The following CARS2 variants were observed in gnomAD, a reference collection of about 807,000 sequenced individuals.
The protein encoded by CARS2 is cysteinyl-tRNA synthetase 2, mitochondrial, also known as probable cysteine--tRNA ligase, mitochondrial.
CARS2 carries 52 observed loss-of-function variants against 68.8 expected under a neutral mutation model. The ratio of observed to expected loss-of-function variants is 0.76; its 90% CI spans 0.61 to 0.95. The LOEUF (loss-of-function observed/expected upper bound fraction) is 0.95, where lower values mean the gene tolerates loss of function less well. Ranked by LOEUF, CARS2 falls within the 40% of genes least tolerant of loss-of-function variation. The pLI is 0.00. For synonymous variants in CARS2, 314 were observed against 303.6 expected (o/e 1.03, Z -0.36); for missense variants, 780 against 754.2 (o/e 1.03, Z -0.40).
rs371196794 is a variant in CARS2 at position 110,676,959 on chromosome 13, C to T, written c.785+15G>A. The T allele has an allele frequency of 1.3e-5, 20 of 1,522,656 alleles. No homozygotes were observed. The highest frequency in any genetic ancestry group is 5.5e-5 in the African/African-American group (4 of 72,082). 94.3% of individuals were successfully genotyped at this position (1,522,656 alleles called of 1,614,324 possible). A position where few individuals can be genotyped will look rare whatever the true frequency, so the allele number is the denominator to read the frequency against. Reference sequence around the variant, plus strand: ...AACTTGAGCCCCAACCCCCAGGAAGCGGCAGGCACCTTACCTAGCGATGGC... The same window carrying T: ...AACTTGAGCCCCAACCCCCAGGAAGTGGCAGGCACCTTACCTAGCGATGGC... On this transcript the variant is annotated intron_variant, in intron 7 of 14. Coordinates refer to ENST00000257347, the MANE Select transcript of CARS2 (RefSeq NM_024537.4). This position sits in a 1 kb window ranked among gnomAD's most constrained non-coding sequence, Gnocchi z 4.0.
At chr13:110,712,978 G>A (rs766505617) in intron 1 of CARS2, 2 of 1,557,402 alleles carry the variant, frequency 1.3e-6, no homozygotes, top group South Asian at 1.2e-5. Flanking sequence ...CGCGGAATGG[G>A]TAGGTCTCCC....
At chr13:110,675,665 C>T (rs2062926560) in intron 7 of CARS2, among the ~76,000 whole-genome samples, 2 of 152,038 alleles carry the variant, frequency 1.3e-5, no homozygotes, top group African/African-American at 2.4e-5. Flanking sequence ...ATGTAACAAA[C>T]CTGCACATTG....
intron 9 of CARS2, among the ~76,000 whole-genome samples, chr13:110,657,324 A>G (rs76640886): frequency 3.9e-4 from 59 of 152,348 alleles, no homozygotes; most frequent in African/African-American, 1.3e-3. Flanking sequence ...TCTGGTAGCA[A>G]TCAACATCGC....
At position 110,657,303 on chromosome 13, in the gene CARS2, C is replaced by T. The variant is rs539597468; in HGVS notation, c.987+6148G>A. Among the ~76,000 whole-genome samples, 6 of 152,336 alleles carry T rather than the reference C, an allele frequency of 3.9e-5. No homozygotes were observed. The South Asian group carries it at 1.2e-3, about 32-fold the overall frequency. ...GCTCTGACCCCTGAAAAAGCGTAGACGCAGTGTCACTCTGGTAGCAATCAA... is the reference window on the plus strand; with the variant it reads ...GCTCTGACCCCTGAAAAAGCGTAGATGCAGTGTCACTCTGGTAGCAATCAA... On this transcript the variant is annotated intron_variant, in intron 9 of 14. Coordinates refer to ENST00000257347, the MANE Select transcript of CARS2 (RefSeq NM_024537.4).
chr13:110,689,786 G>A (rs1056439098), intron 3 of CARS2, among the ~76,000 whole-genome samples: 1 of 152,146 alleles, frequency 6.6e-6, no homozygotes, highest in Non-Finnish European at 1.5e-5. Flanking sequence ...ACAGTTTTGT[G>A]GCAAAGCAGA....
At chr13:110,687,692 GA>G (rs552751411) in intron 5 of CARS2, 28 bp downstream of exon 5, 38,568 of 870,598 alleles carry the variant, frequency 0.044, 16 homozygotes, top group Non-Finnish European at 0.049. Flanking sequence ...AAAAAAAAAA[GA>G]AAAAAAAAAA....
At chr13:110,690,614 T>C (rs1439010165) in intron 3 of CARS2, among the ~76,000 whole-genome samples, 1 of 152,180 alleles carries the variant, frequency 6.6e-6, no homozygotes, top group Non-Finnish European at 1.5e-5. Context: ...CCGATGCACA[T>C]CCCATCCTCA....
At chr13:110,663,734 C>A in intron 8 of CARS2, 1 of 1,302,670 alleles carries the variant, frequency 7.7e-7, no homozygotes. Flanking sequence ...ACACCCAGCC[C>A]CACACTGAGA....
Position 110,687,711 on chromosome 13 carries a change from TA to T in CARS2, c.571+9del. On this transcript the variant is annotated intron_variant, in intron 5 of 14. Coordinates refer to ENST00000257347, the MANE Select transcript of CARS2 (RefSeq NM_024537.4). Reference sequence around the variant, plus strand: ...AAAAAAGAAAAAAAAAAAAAGAACATAAACCCTACCTTTTGCCGTTGAATAA... The same window carrying T: ...AAAAAAGAAAAAAAAAAAAAGAACATAACCCTACCTTTTGCCGTTGAATAA... 8.1e-7 allele frequency: 1 copy of T among 1,236,392 alleles called. No individual in the cohort carries two copies. The highest frequency in any genetic ancestry group is 1.1e-6 in the Non-Finnish European group (1 of 877,652). The allele number at this position is 1,236,392 out of a possible 1,614,324, so 76.6% of individuals were successfully genotyped here.
chr13:110,672,470 G>C (rs573310573), intron 7 of CARS2, among the ~76,000 whole-genome samples: 1 of 152,168 alleles, frequency 6.6e-6, no homozygotes, highest in Non-Finnish European at 1.5e-5. Flanking sequence ...TGACTACTGG[G>C]TACATAATGA....
At chr13:110,709,736 T>TTATA (rs1430101431), upstream of CARS2, among the ~76,000 whole-genome samples, 3 of 151,882 alleles carry the variant, frequency 2.0e-5, no homozygotes, top group Non-Finnish European at 4.4e-5. Context: ...TGTATATACA[T>TTATA]TATATATATC....
intron 6 of CARS2, among the ~76,000 whole-genome samples, chr13:110,679,947 A>G (rs77264116): frequency 0.049 from 7,404 of 152,308 alleles, 374 homozygotes; most frequent in African/African-American, 0.11. Context: ...ACGGAAGAAC[A>G]TGAACTGGTC....
At chr13:110,669,444 G>A (rs1161681692) in intron 7 of CARS2, among the ~76,000 whole-genome samples, 1 of 152,180 alleles carries the variant, frequency 6.6e-6, no homozygotes, top group Admixed American at 6.5e-5. Context: ...GAAAATCTCT[G>A]ATGTAGCTAC....
At chr13:110,701,155 C>G (rs532136709) in intron 3 of CARS2, among the ~76,000 whole-genome samples, 8 of 152,148 alleles carry the variant, frequency 5.3e-5, no homozygotes, top group South Asian at 2.1e-4. Context: ...CTTCGCCCCC[C>G]CAGGGTCAAG....
intron 5 of CARS2, among the ~76,000 whole-genome samples, chr13:110,685,532 G>A (rs112413455): frequency 7.2e-4 from 109 of 152,266 alleles, no homozygotes; most frequent in African/African-American, 2.1e-3. Context: ...ATCTTCAGCC[G>A]TCGGCTGGAT....
chr13:110,707,530 C>T (rs1205633720), upstream of CARS2: 1 of 152,038 alleles, frequency 6.6e-6, no homozygotes, highest in East Asian at 1.9e-4. Context: ...ATCTGTAGTC[C>T]CAGCTACTGG....
At chr13:110,710,557 C>T (rs1215095677), upstream of CARS2, among the ~76,000 whole-genome samples, 5 of 152,110 alleles carry the variant, frequency 3.3e-5, no homozygotes, top group Admixed American at 3.3e-4. Context: ...TTTTGCAACA[C>T]GCCACAGGAA....
rs1318155122 is a variant in CARS2, at chr13:110,668,699, C to T, written c.786-1226G>A. 2.6e-5 allele frequency among the ~76,000 whole-genome samples: 4 copies of T among 152,080 alleles called. No individual in the cohort carries two copies. The highest frequency in any genetic ancestry group is 2.1e-4 in the South Asian group (1 of 4,820). On this transcript the variant is annotated intron_variant, in intron 7 of 14. Coordinates refer to ENST00000257347, the MANE Select transcript of CARS2 (RefSeq NM_024537.4). This position sits in a 1 kb window ranked among gnomAD's most constrained non-coding sequence, Gnocchi z 4.1. ...TATTTGGATGGGCAATTCTCCCTTC[C>T]GAAGATCTGAAGCCAACACAACGAC...
At position 110,642,005 on chromosome 13, in the gene CARS2, C is replaced by A. The variant is rs567005689; in HGVS notation, c.1623+310G>T. Among the ~76,000 whole-genome samples the A allele has an allele frequency of 2.3e-3, 347 of 152,182 alleles. 3 individuals carry two copies. Among genetic ancestry groups the A allele is most frequent in the African/African-American group, 7.9e-3 (326 of 41,430 alleles). ...TCACCTGAGGTCGGGAGTTTGAGAC[C>A]AGCCTGACCCACGTGGAGAAAACCT... On this transcript the variant is annotated intron_variant, in intron 14 of 14. Coordinates refer to ENST00000257347, the MANE Select transcript of CARS2 (RefSeq NM_024537.4).
Sources: gnomAD v4.1 joint callset for allele counts (sites outside exome capture counted in the v4.1 genomes callset) on GRCh38, gnomAD v4.1.1 for gene constraint, Gnocchi (gnomAD v3.1) non-coding constraint, MANE v1.5 for transcripts, NCBI Gene and HGNC (gene_info 2026-07-23, HGNC 2026-07-21) for gene names.